CENPP: variants seen among roughly 807,000 people sequenced by gnomAD.
CENPP encodes centromere protein P.
In CENPP, 24 loss-of-function variants were observed where a neutral mutation model predicts 35.6. The ratio of observed to expected loss-of-function variants is 0.67; its 90% CI spans 0.49 to 0.95. The LOEUF (loss-of-function observed/expected upper bound fraction) is 0.95, where lower values mean the gene tolerates loss of function less well. Ranked by LOEUF, CENPP falls within the 40% of genes least tolerant of loss-of-function variation. CENPP has a pLI of 0.00. For missense variants in CENPP, 332 were observed against 345.3 expected (o/e 0.96, Z 0.31); for synonymous variants, 120 against 125.5 (o/e 0.96, Z 0.29).
chr9:92,525,594 T>TA (rs1848345385), intron 5 of CENPP, among the ~76,000 whole-genome samples: 2 of 152,256 alleles, frequency 1.3e-5, no homozygotes, highest in South Asian at 4.1e-4. Flanking sequence ...TCCAGTCATA[T>TA]AAAAATACAG....
Position 92,580,339 on chromosome 9 carries a change from C to T in CENPP, c.565-30975C>T, listed in dbSNP as rs1348838000. Among the ~76,000 whole-genome samples, 10 of 152,236 alleles carry T rather than the reference C, an allele frequency of 6.6e-5. No homozygotes were observed. The South Asian group carries it at 1.5e-3, about 22-fold the overall frequency. On this transcript the variant is annotated intron_variant, in intron 5 of 7. Transcript: ENST00000375587. ...CATAAAAAGAGTTAGGGAGGATTCC[C>T]TCTTTTTCTGTTGATTGGAATAGTT...
chr9:92,548,433 C>A (rs1300224424), intron 5 of CENPP, among the ~76,000 whole-genome samples: 1 of 152,160 alleles, frequency 6.6e-6, no homozygotes, highest in Non-Finnish European at 1.5e-5. Flanking sequence ...TTGTCCACCC[C>A]ATACTTGCCA....
rs537594140 is a variant in CENPP, at chr9:92,511,029, A to G, written c.565-100285A>G. ...CACTTAGTGGAATATAGTGTGCTTTATTTTTGGCTTTTCAAACATACACAT... is the reference window on the plus strand; with the variant it reads ...CACTTAGTGGAATATAGTGTGCTTTGTTTTTGGCTTTTCAAACATACACAT... On this transcript the variant is annotated intron_variant, in intron 5 of 7. Transcript: ENST00000375587. 1.2e-4 allele frequency among the ~76,000 whole-genome samples: 18 copies of G among 152,280 alleles called. No homozygotes were observed. In the South Asian group the frequency reaches 3.5e-3, roughly 30 times the overall value.
intron 4 of CENPP, among the ~76,000 whole-genome samples, chr9:92,369,216 C>T (rs534021765): frequency 3.9e-5 from 6 of 152,182 alleles, no homozygotes; most frequent in African/African-American, 1.4e-4. Context: ...TGGGGTCAGT[C>T]AAGAGACAAA....
chr9:92,395,509 T>C (rs1027752525), intron 5 of CENPP, among the ~76,000 whole-genome samples: 1 of 152,198 alleles, frequency 6.6e-6, no homozygotes, highest in African/African-American at 2.4e-5. Context: ...TGCTTTCATT[T>C]CTCTTGGGTA....
At chr9:92,609,639 G>GC (rs1339285024) in intron 5 of CENPP, among the ~76,000 whole-genome samples, 1 of 152,268 alleles carries the variant, frequency 6.6e-6, no homozygotes, top group Non-Finnish European at 1.5e-5. Flanking sequence ...AGCCCTAGGA[G>GC]CTCGACATCT....
intron 5 of CENPP, among the ~76,000 whole-genome samples, chr9:92,498,284 A>G (rs1015026921): frequency 3.9e-5 from 6 of 152,194 alleles, no homozygotes; most frequent in African/African-American, 1.2e-4. Context: ...GAAGGATCAT[A>G]TAGTGTATAA....
chr9:92,600,496 GT>G (rs960127444), intron 5 of CENPP: 4 of 1,612,786 alleles, frequency 2.5e-6, no homozygotes, highest in Non-Finnish European at 3.4e-6. Flanking sequence ...TTCTGCAAAG[GT>G]CTGGAGATGA....
At chr9:92,575,885 AC>A (rs1282978082) in intron 5 of CENPP, among the ~76,000 whole-genome samples, 1 of 152,138 alleles carries the variant, frequency 6.6e-6, no homozygotes, top group Non-Finnish European at 1.5e-5. Flanking sequence ...AAAAATTAGA[AC>A]CGTTGCGCGC....
intron 4 of CENPP, among the ~76,000 whole-genome samples, chr9:92,354,559 T>C (rs960750528): frequency 6.6e-6 from 1 of 152,186 alleles, no homozygotes; most frequent in African/African-American, 2.4e-5. Flanking sequence ...GGGGTCTCAC[T>C]CTGTTGCCCA....
chr9:92,537,137 A>G (rs1240339089), intron 5 of CENPP, among the ~76,000 whole-genome samples: 1 of 151,728 alleles, frequency 6.6e-6, no homozygotes, highest in Non-Finnish European at 1.5e-5. Context: ...CGGCCTTCCA[A>G]AGTGCTGGGA....
At chr9:92,537,847 T>G (rs1849225094) in intron 5 of CENPP, among the ~76,000 whole-genome samples, 1 of 152,234 alleles carries the variant, frequency 6.6e-6, no homozygotes, top group Non-Finnish European at 1.5e-5. Flanking sequence ...AGTGAGATGT[T>G]GCTGACAAAA....
chr9:92,453,571 A>G (rs1025615854), intron 5 of CENPP, among the ~76,000 whole-genome samples: 2 of 152,178 alleles, frequency 1.3e-5, no homozygotes, highest in Non-Finnish European at 2.9e-5. Flanking sequence ...AAAAAAGTAT[A>G]TTCTGTTGAT....
In CENPP at chr9:92,374,241, CTGTG is replaced by C. The variant is rs10569730; in HGVS notation, c.468-5484_468-5481del. 9.8e-3 allele frequency among the ~76,000 whole-genome samples: 1,406 copies of C among 142,770 alleles called. 14 individuals are homozygous for C. The highest frequency in any genetic ancestry group is 0.04 in the East Asian group (192 of 4,848). 93.7% of individuals were successfully genotyped at this position (142,770 alleles called of 152,430 possible). ...TTTACTTCTGCTGTTTTGCTGTTTG[CTGTG>C]TGTGTGTGTGTGTGTGTGTGTGTGT... On this transcript the variant is annotated intron_variant, in intron 4 of 7. Coordinates refer to ENST00000375587, the MANE Select transcript of CENPP (RefSeq NM_001012267.3).
intron 5 of CENPP, among the ~76,000 whole-genome samples, chr9:92,541,572 A>C (rs1291344541): frequency 6.6e-6 from 1 of 151,770 alleles, no homozygotes; most frequent in Non-Finnish European, 1.5e-5. Flanking sequence ...AAGTGAGATC[A>C]TGCAGTATCT....
At chr9:92,365,499 C>T (rs78920517) in intron 4 of CENPP, among the ~76,000 whole-genome samples, 1 of 150,232 alleles carries the variant, frequency 6.7e-6, no homozygotes, top group East Asian at 2.0e-4. Context: ...CAACCTCCAC[C>T]TCCTGGGTTC....
At position 92,613,078 on chromosome 9, in the gene CENPP, G is replaced by T. The variant is rs147449317; in HGVS notation, c.796G>T (p.Val266Leu). The change falls in exon 8 of 8, where the codon GTA (valine) becomes TTA (leucine). Residue 266 changes from valine to leucine, a missense_variant. By Grantham distance (32) the Val-to-Leu change is conservative. Transcript: ENST00000375587. The stretch of plus-strand genomic sequence containing the variant: ...TGCTCCTCTCAGCTTCCGAACCCTG[G>T]TAGGACTGCTTGGAATCGAAGCTGC... Reference protein sequence around the residue: ...ETAPLSFRTLVGLLGIEAALE... With the variant: ...ETAPLSFRTLLGLLGIEAALE... 3.1e-6 allele frequency: 5 copies of T among 1,614,036 alleles called. No individual in the cohort carries two copies. In the African/African-American group the frequency reaches 6.7e-5, roughly 22 times the overall value.
intron 2 of CENPP, among the ~76,000 whole-genome samples, chr9:92,335,208 A>G (rs570132547): frequency 6.6e-6 from 1 of 152,326 alleles, no homozygotes; most frequent in South Asian, 2.1e-4. Context: ...TTCAAGTTAA[A>G]AAGTACTGAA....
intron 5 of CENPP, among the ~76,000 whole-genome samples, chr9:92,560,636 T>C (rs1268134417): frequency 1.3e-5 from 2 of 152,158 alleles, no homozygotes; most frequent in African/African-American, 4.8e-5. Context: ...AAAAATAATC[T>C]TCCTACATCC....
Sources: gnomAD v4.1 joint callset for allele counts (sites outside exome capture counted in the v4.1 genomes callset) on GRCh38, gnomAD v4.1.1 for gene constraint, MANE v1.5 for transcripts, NCBI Gene and HGNC (gene_info 2026-07-23, HGNC 2026-07-21) for gene names.